FLRT2: variants seen among roughly 807,000 people sequenced by gnomAD.
FLRT2 encodes the protein leucine-rich repeat transmembrane protein FLRT2.
A neutral mutation model predicts 40.0 loss-of-function variants in FLRT2; 15 were observed. The ratio of observed to expected loss-of-function variants is 0.38; its 90% CI spans 0.25 to 0.58. FLRT2 has a LOEUF of 0.58. Among genes scored for constraint, FLRT2 ranks in the 20% least tolerant of loss-of-function variants. The pLI is 0.71. For synonymous variants in FLRT2, 380 were observed against 336.8 expected (o/e 1.13, Z -1.41); for missense variants, 726 against 840.0 (o/e 0.86, Z 1.68).
At chr14:85,603,172 A>G (rs1371889744) in intron 1 of FLRT2, among the ~76,000 whole-genome samples, 1 of 152,114 alleles carries the variant, frequency 6.6e-6, no homozygotes, top group Non-Finnish European at 1.5e-5. Context: ...CTCCTAAATA[A>G]TGTGCAAGCA....
At chr14:85,552,354 AG>A (rs1889682245) in intron 1 of FLRT2, among the ~76,000 whole-genome samples, 1 of 152,184 alleles carries the variant, frequency 6.6e-6, no homozygotes, top group African/African-American at 2.4e-5. Context: ...TGGGGATAGC[AG>A]TAATAAAACC....
Position 85,623,117 on chromosome 14 carries a change from C to T in FLRT2, c.1603C>T (p.His535Tyr). ...GTCCAGCCATGAGCAGACGACGTCC[C>T]ACAGCATGGGCTCCCCCTTTCTGCT... ...TASSHEQTTS[H>Y]SMGSPFLLAG... The change falls in exon 2 of 2, where the codon CAC (histidine) becomes TAC (tyrosine). Residue 535 changes from histidine (H) to tyrosine (Y), a missense_variant. By Grantham distance (83) the His-to-Tyr change is moderately conservative. This residue lies in a region of FLRT2 where 611 missense variants were observed against 690.0 expected (regional missense o/e 0.89). Coordinates refer to ENST00000330753, the MANE Select transcript of FLRT2 (RefSeq NM_013231.6). The T allele has an allele frequency of 6.2e-7, 1 of 1,611,088 alleles. No individual in the cohort carries two copies. Among genetic ancestry groups the T allele is most frequent in the Non-Finnish European group, 8.5e-7 (1 of 1,178,064 alleles).
At position 85,649,595 on chromosome 14, in the gene FLRT2, A is replaced by G. The variant is rs1418645142; in HGVS notation, c.*26098A>G. 6.6e-6 allele frequency: 1 copy of G among 152,112 alleles called. No homozygotes were observed. The highest frequency in any genetic ancestry group is 2.4e-5 in the African/African-American group (1 of 41,446). The allele number at this position is 152,112 out of a possible 1,614,324, so 9.4% of individuals were successfully genotyped here. On this transcript the variant is annotated 3_prime_UTR_variant, in exon 2 of 2. Transcript: ENST00000330753. ...AACAAACATAAAGCTCAGAATCAAAACCAGAATGTTGTTTTGATCATACTG... is the reference window on the plus strand; with the variant it reads ...AACAAACATAAAGCTCAGAATCAAAGCCAGAATGTTGTTTTGATCATACTG...
At position 85,625,452 on chromosome 14, in the gene FLRT2, C is replaced by T. The variant is rs893552289; in HGVS notation, c.*1955C>T. On this transcript the variant is annotated 3_prime_UTR_variant, in exon 2 of 2. Coordinates refer to ENST00000330753, the MANE Select transcript of FLRT2 (RefSeq NM_013231.6). ...TTATATGTTTTAATCTCCCTTGTCC[C>T]TCAGAATAAGCAGAAAATATAACTG... 1 of 166,782 alleles carries T rather than the reference C, an allele frequency of 6.0e-6. No homozygotes were observed. The allele number at this position is 166,782 out of a possible 1,614,324, so 10.3% of individuals were successfully genotyped here.
intron 1 of FLRT2, among the ~76,000 whole-genome samples, chr14:85,546,252 A>G (rs1436924794): frequency 6.6e-6 from 1 of 152,084 alleles, no homozygotes; most frequent in Non-Finnish European, 1.5e-5. Context: ...TGTCCATGGT[A>G]TTTCTCTGTA....
In FLRT2 at chr14:85,623,202, G is replaced by T; in HGVS notation, c.1688G>T (p.Cys563Phe). Reference protein sequence around the residue: ...FVLVVLLSVFCWHMHKKGRYT... With the variant: ...FVLVVLLSVFFWHMHKKGRYT... ...CTGGTGGTCTTGCTCAGCGTCTTTT[G>T]CTGGCATATGCACAAAAAGGGGCGC... Residue 563 changes from cysteine to phenylalanine, a missense_variant, in exon 2 of 2, where the codon TGC (cysteine) becomes TTC (phenylalanine). Cys to Phe is a radical substitution (Grantham distance 205). Around this residue, in one of 3 missense-constraint regions of FLRT2, gnomAD observed 611 missense variants for 690.0 expected, o/e 0.89. Coordinates refer to ENST00000330753, the MANE Select transcript of FLRT2 (RefSeq NM_013231.6). The T allele has an allele frequency of 6.5e-7, 1 of 1,539,628 alleles. No homozygotes were observed. Among genetic ancestry groups the T allele is most frequent in the Non-Finnish European group, 8.7e-7 (1 of 1,144,248 alleles).
At chr14:85,580,709 G>T (rs1034739622) in intron 1 of FLRT2, among the ~76,000 whole-genome samples, 1 of 151,098 alleles carries the variant, frequency 6.6e-6, no homozygotes, top group African/African-American at 2.4e-5. Context: ...CAGAAGCCAG[G>T]TCATGTGGGC....
chr14:85,535,053 T>TA (rs1426145132), intron 1 of FLRT2, among the ~76,000 whole-genome samples: 1 of 152,226 alleles, frequency 6.6e-6, no homozygotes, highest in Non-Finnish European at 1.5e-5. Context: ...CAAATCCGTG[T>TA]AAACGCTCGC....
chr14:85,603,663 G>GT (rs1342412772), intron 1 of FLRT2, among the ~76,000 whole-genome samples: 1 of 152,086 alleles, frequency 6.6e-6, no homozygotes, highest in Non-Finnish European at 1.5e-5. Flanking sequence ...GAGGTCAGGA[G>GT]TTTGAGACCA....
At chr14:85,544,504 TTTTG>T (rs747782422) in intron 1 of FLRT2, among the ~76,000 whole-genome samples, 4 of 152,216 alleles carry the variant, frequency 2.6e-5, no homozygotes, top group Non-Finnish European at 5.9e-5. Context: ...CTTGTTATTA[TTTTG>T]TTTATTTCAT....
intron 1 of FLRT2, among the ~76,000 whole-genome samples, chr14:85,613,051 T>C (rs886614635): frequency 6.6e-6 from 1 of 152,140 alleles, no homozygotes; most frequent in African/African-American, 2.4e-5. Flanking sequence ...CTCAAAGATA[T>C]TGGCCTATTT....
chr14:85,620,469 C>T (rs979367058), intron 1 of FLRT2, among the ~76,000 whole-genome samples: 3 of 152,008 alleles, frequency 2.0e-5, no homozygotes, highest in African/African-American at 7.2e-5. Flanking sequence ...TAAAATTTTC[C>T]ATTAAGCATG....
At position 85,635,442 on chromosome 14, in the gene FLRT2, A is replaced by T. The variant is rs1040785980; in HGVS notation, c.*11945A>T. ...AACTATATTACTAAGTAGACTATTA[A>T]TAAAACACTTTATTTAAGTCAAAAT... On this transcript the variant is annotated 3_prime_UTR_variant, in exon 2 of 2. Transcript: ENST00000330753. The T allele has an allele frequency of 6.6e-6, 1 of 152,150 alleles. No individual in the cohort carries two copies. The highest frequency in any genetic ancestry group is 2.4e-5 in the African/African-American group (1 of 41,470). 9.4% of individuals were successfully genotyped at this position (152,150 alleles called of 1,614,324 possible).
chr14:85,578,131 TATATATATATTTA>T, intron 1 of FLRT2, among the ~76,000 whole-genome samples: 1 of 146,214 alleles, frequency 6.8e-6, no homozygotes, highest in Non-Finnish European at 1.5e-5. Flanking sequence ...AAAATATCTG[TATATATATATTTA>T]TATATATAAA....
rs1893915130 is a variant in FLRT2 at position 85,632,877 on chromosome 14, C to T, written c.*9380C>T. On this transcript the variant is annotated 3_prime_UTR_variant, in exon 2 of 2. Transcript: ENST00000330753. ...CAATTTGCCTTGGCAATAACTTGCA[C>T]TTTAGGGTTATCAGTGTACTTTTCC... 1 of 152,214 alleles carries T rather than the reference C, an allele frequency of 6.6e-6. No homozygotes were observed. Among genetic ancestry groups the T allele is most frequent in the South Asian group, 2.1e-4 (1 of 4,836 alleles). The allele number at this position is 152,214 out of a possible 1,614,324, so 9.4% of individuals were successfully genotyped here.
chr14:85,532,096 G>C (rs567441952), intron 1 of FLRT2, among the ~76,000 whole-genome samples: 5 of 152,266 alleles, frequency 3.3e-5, no homozygotes, highest in Non-Finnish European at 7.3e-5. Context: ...AACTGAGGAC[G>C]AGTAGTGCGG....
rs1258736306 is a variant in FLRT2, at chr14:85,644,158, T to C, written c.*20661T>C. 6.6e-6 allele frequency: 1 copy of C among 152,058 alleles called. No homozygotes were observed. The highest frequency in any genetic ancestry group is 1.5e-5 in the Non-Finnish European group (1 of 68,032). 9.4% of individuals were successfully genotyped at this position (152,058 alleles called of 1,614,324 possible). A position where few individuals can be genotyped will look rare whatever the true frequency, so the allele number is the denominator to read the frequency against. On this transcript the variant is annotated 3_prime_UTR_variant, in exon 2 of 2. Transcript: ENST00000330753. Reference sequence around the variant, plus strand: ...TAACTTGATTTTTTTTTTTAATCTATGAAGTAGTTGGCTATGTTTTGGAGA... The same window carrying C: ...TAACTTGATTTTTTTTTTTAATCTACGAAGTAGTTGGCTATGTTTTGGAGA...
chr14:85,566,341 C>G (rs1890613468), intron 1 of FLRT2, among the ~76,000 whole-genome samples: 1 of 151,996 alleles, frequency 6.6e-6, no homozygotes, highest in Non-Finnish European at 1.5e-5. Flanking sequence ...TAGAGACTTT[C>G]AAGAGAGGAT....
chr14:85,616,320 C>CAAA (rs59010798), intron 1 of FLRT2, among the ~76,000 whole-genome samples: 7 of 127,632 alleles, frequency 5.5e-5, no homozygotes, highest in Non-Finnish European at 6.6e-5. Context: ...ATTTAAAAGA[C>CAAA]AAAAAAAAAA....
Sources: allele counts gnomAD v4.1 joint callset (sites outside exome capture counted in the v4.1 genomes callset), GRCh38; gene constraint gnomAD v4.1.1; regional missense constraint gnomAD v4.1.1; transcripts MANE v1.5; gene names NCBI Gene and HGNC (gene_info 2026-07-23, HGNC 2026-07-21).